Variants in ABTB2 observed in about 807,000 individuals in gnomAD.
ABTB2 encodes the protein ankyrin repeat and BTB domain containing 2.
ABTB2 carries 56 observed loss-of-function variants against 104.1 expected under a neutral mutation model. That is an observed-to-expected ratio of 0.54 (90% CI 0.43 to 0.67). The LOEUF is 0.67. Among genes scored for constraint, ABTB2 ranks in the 30% least tolerant of loss-of-function variants. The pLI, the probability that ABTB2 is intolerant of heterozygous loss-of-function variation, is 0.00. For synonymous variants in ABTB2, 606 were observed against 608.2 expected (o/e 1.00, Z 0.05); for missense variants, 1,279 against 1,407.7 (o/e 0.91, Z 1.46).
chr11:34,250,412 C>G (rs1854041432), intron 1 of ABTB2, among the ~76,000 whole-genome samples: 1 of 152,176 alleles, frequency 6.6e-6, no homozygotes, highest in African/African-American at 2.4e-5. Context: ...ACTTGCTCAA[C>G]AAAGTGACGA....
At chr11:34,263,224 T>G (rs1440864033) in intron 1 of ABTB2, among the ~76,000 whole-genome samples, 1 of 152,014 alleles carries the variant, frequency 6.6e-6, no homozygotes, top group African/African-American at 2.4e-5. Context: ...TGTTTGGTCT[T>G]ACGTGTGAGA....
At chr11:34,179,089 A>G (rs894679883) in intron 3 of ABTB2, among the ~76,000 whole-genome samples, 6 of 151,894 alleles carry the variant, frequency 4.0e-5, no homozygotes, top group African/African-American at 1.2e-4. Flanking sequence ...TCAAAAAAAA[A>G]AAAAAAAAAA....
chr11:34,248,088 A>AATTTTTTTTTTTTTTTTTTTT (rs1854006584), intron 1 of ABTB2, among the ~76,000 whole-genome samples: 1 of 78,376 alleles, frequency 1.3e-5, no homozygotes, highest in Non-Finnish European at 2.4e-5. Flanking sequence ...CTTATCTATA[A>AATTTTTTTTTTTTTTTTTTTT]TTTTTCTTAA....
chr11:34,172,390 AAAAAAATAT>A (rs1565131575), intron 4 of ABTB2, among the ~76,000 whole-genome samples: 4 of 53,364 alleles, frequency 7.5e-5, no homozygotes, highest in Non-Finnish European at 8.0e-5. Context: ...AAAAAAAAAA[AAAAAAATAT>A]ATATATATAT....
At position 34,357,933 on chromosome 11, in the gene ABTB2, A is replaced by G; in HGVS notation, c.-350T>C. 1 of 239,828 alleles carries G rather than the reference A, an allele frequency of 4.2e-6. No homozygotes were observed. Among genetic ancestry groups the G allele is most frequent in the South Asian group, 1.3e-4 (1 of 7,834 alleles). 14.9% of individuals were successfully genotyped at this position (239,828 alleles called of 1,614,324 possible). On this transcript the variant is annotated 5_prime_UTR_variant, in exon 1 of 17. Coordinates refer to ENST00000435224, the MANE Select transcript of ABTB2 (RefSeq NM_145804.3). ...AGAACAGGGCGGCGGCGGCAGAAGG[A>G]GGAGGCGGCGGCGCAGGGCGCAGGG...
chr11:34,205,503 A>T (rs1853398070), intron 1 of ABTB2, among the ~76,000 whole-genome samples: 1 of 152,166 alleles, frequency 6.6e-6, no homozygotes, highest in Non-Finnish European at 1.5e-5. Flanking sequence ...GGCCACAGAG[A>T]TTCTAGTTGC....
rs1280780087 is a variant in ABTB2, at chr11:34,154,335, C to T, written c.2810G>A (p.Arg937Lys). Residue 937 changes from arginine (R) to lysine (K), a missense_variant, in exon 16 of 17, where the codon AGG becomes AAG. Physicochemically the swap from Arg to Lys is conservative, Grantham distance 26 (BLOSUM62 2). Transcript: ENST00000435224. The surrounding 1 kb of genome is among the most constrained non-coding windows in gnomAD (Gnocchi z 4.9). Reference protein sequence around the residue: ...ASLFQLDALQRHCEILCSQTL... With the variant: ...ASLFQLDALQKHCEILCSQTL... ...CTGGGAGCACAGGATCTCGCAGTGC[C>T]TCTGCAGGGCATCCAGCTGGAACAG... 3.1e-6 allele frequency: 5 copies of T among 1,613,830 alleles called. No homozygotes were observed. The Admixed American group carries it at 5.0e-5, about 16-fold the overall frequency.
At chr11:34,257,232 G>C (rs1023469520) in intron 1 of ABTB2, among the ~76,000 whole-genome samples, 4 of 150,572 alleles carry the variant, frequency 2.7e-5, no homozygotes, top group African/African-American at 9.7e-5. Flanking sequence ...TGGAAAAAAT[G>C]AAAAGAAAAT....
At chr11:34,284,014 A>G (rs1167244192) in intron 1 of ABTB2, among the ~76,000 whole-genome samples, 1 of 152,246 alleles carries the variant, frequency 6.6e-6, no homozygotes, top group Non-Finnish European at 1.5e-5. Context: ...AAACTGTGCC[A>G]TGCACATGAA....
At position 34,267,375 on chromosome 11, in the gene ABTB2, T is replaced by C. The variant is rs78645732; in HGVS notation, c.884-62685A>G. On this transcript the variant is annotated intron_variant, in intron 1 of 16. Transcript: ENST00000435224. ...TGAAGGTCCCTGGCATTCTCTTTCCTGGACCCCAACCCTGGCCTCTTCCCC... is the reference window on the plus strand; with the variant it reads ...TGAAGGTCCCTGGCATTCTCTTTCCCGGACCCCAACCCTGGCCTCTTCCCC... 3.8e-3 allele frequency among the ~76,000 whole-genome samples: 574 copies of C among 152,302 alleles called. 2 individuals are homozygous for C. The highest frequency in any genetic ancestry group is 0.013 in the African/African-American group (552 of 41,562).
chr11:34,241,092 TA>T (rs1203292771), intron 1 of ABTB2, among the ~76,000 whole-genome samples: 1 of 152,120 alleles, frequency 6.6e-6, no homozygotes, highest in Non-Finnish European at 1.5e-5. Context: ...GCATGGTGGC[TA>T]AAAGGAGGAT....
At chr11:34,315,096 GGCCTGCACTCGCGCGA>G (rs1288013638) in intron 1 of ABTB2, among the ~76,000 whole-genome samples, 2 of 152,208 alleles carry the variant, frequency 1.3e-5, no homozygotes, top group Non-Finnish European at 2.9e-5. Flanking sequence ...ATTAAAAAGA[GGCCTGCACTCGCGCGA>G]GCCTGCCTTC....
chr11:34,300,643 G>A (rs960107533), intron 1 of ABTB2, among the ~76,000 whole-genome samples: 3 of 151,592 alleles, frequency 2.0e-5, no homozygotes, highest in African/African-American at 7.3e-5. Flanking sequence ...CTTGCCAAAT[G>A]TAATTGGGCA....
chr11:34,195,109 G>C (rs1176513693), intron 3 of ABTB2, among the ~76,000 whole-genome samples: 4 of 131,858 alleles, frequency 3.0e-5, no homozygotes, highest in African/African-American at 1.1e-4. Flanking sequence ...GAAAGTGCCA[G>C]CAGAGGAATG....
chr11:34,352,885 G>A (rs1195303005), intron 1 of ABTB2, among the ~76,000 whole-genome samples: 7 of 152,236 alleles, frequency 4.6e-5, no homozygotes, highest in Non-Finnish European at 8.8e-5. Flanking sequence ...GCAAGACCCT[G>A]TCTCTACAAA....
At chr11:34,208,545 C>T (rs1480299143) in intron 1 of ABTB2, among the ~76,000 whole-genome samples, 3 of 152,204 alleles carry the variant, frequency 2.0e-5, no homozygotes, top group Non-Finnish European at 4.4e-5. Context: ...GTGTTGTACT[C>T]GAATGTGCTG....
chr11:34,268,007 T>A (rs1415468368), intron 1 of ABTB2, among the ~76,000 whole-genome samples: 1 of 152,156 alleles, frequency 6.6e-6, no homozygotes, highest in Non-Finnish European at 1.5e-5. Context: ...CTCGGCTCAC[T>A]ACAACCTCTG....
At chr11:34,208,883 C>G (rs1231284934) in intron 1 of ABTB2, among the ~76,000 whole-genome samples, 1 of 152,112 alleles carries the variant, frequency 6.6e-6, no homozygotes, top group Non-Finnish European at 1.5e-5. Flanking sequence ...GCCATCTTCC[C>G]CTGCCCCCCT....
At chr11:34,306,064 A>G (rs1854766822) in intron 1 of ABTB2, among the ~76,000 whole-genome samples, 1 of 152,080 alleles carries the variant, frequency 6.6e-6, no homozygotes, top group Non-Finnish European at 1.5e-5. Flanking sequence ...ACCAAAGTCT[A>G]TTCTCTAAGA....
Sources: allele counts gnomAD v4.1 joint callset (sites outside exome capture counted in the v4.1 genomes callset), GRCh38; gene constraint gnomAD v4.1.1; non-coding constraint Gnocchi (gnomAD v3.1); transcripts MANE v1.5; gene names NCBI Gene and HGNC (gene_info 2026-07-23, HGNC 2026-07-21).